Variants in MARCHF5 observed in about 807,000 individuals in gnomAD.
MARCHF5 encodes E3 ubiquitin-protein ligase MARCHF5.
Under a neutral mutation model 36.5 loss-of-function variants are expected in MARCHF5, and 5 were observed. The ratio of observed to expected loss-of-function variants is 0.14; its 90% CI spans 0.07 to 0.29. MARCHF5 has a LOEUF of 0.29. Among genes scored for constraint, MARCHF5 ranks in the 10% least tolerant of loss-of-function variants. The pLI, the probability that MARCHF5 is intolerant of heterozygous loss-of-function variation, is 1.00. For missense variants in MARCHF5, 179 were observed against 336.3 expected, an observed-to-expected ratio of 0.53 and a Z score of 3.66; for synonymous variants, 103 against 109.9, an observed-to-expected ratio of 0.94 and a Z score of 0.39.
chr10:92,291,564 G>C (rs1263156565), intron 1 of MARCHF5, 35 bp downstream of exon 1: 5 of 1,520,538 alleles, frequency 3.3e-6, no homozygotes, highest in Middle Eastern at 1.8e-4. Context: ...GGGAGCCGCC[G>C]ACCCTCGCTC....
chr10:92,314,218 AGAG>A (rs1245222888), intron 2 of MARCHF5, among the ~76,000 whole-genome samples: 14 of 138,104 alleles, frequency 1.0e-4, no homozygotes, highest in South Asian at 2.4e-4. Flanking sequence ...CTTAAATAAA[AGAG>A]AGAATTATAA....
chr10:92,316,459 A>G (rs1232444665), intron 2 of MARCHF5, among the ~76,000 whole-genome samples: 3 of 152,216 alleles, frequency 2.0e-5, no homozygotes, highest in South Asian at 2.1e-4. Flanking sequence ...TACTCAAAGT[A>G]TGATCTGAGG....
At chr10:92,322,669 A>G (rs1285687939) in intron 2 of MARCHF5, among the ~76,000 whole-genome samples, 1 of 148,246 alleles carries the variant, frequency 6.7e-6, no homozygotes, top group Non-Finnish European at 1.5e-5. Context: ...GGCTGGTCTC[A>G]TACTCCTGAG....
At chr10:92,346,061 C>T (rs892742660) in intron 3 of MARCHF5, among the ~76,000 whole-genome samples, 1 of 152,112 alleles carries the variant, frequency 6.6e-6, no homozygotes, top group Non-Finnish European at 1.5e-5. Flanking sequence ...ACCCCAAAAT[C>T]GAAGTCTTAA....
intron 1 of MARCHF5, among the ~76,000 whole-genome samples, chr10:92,300,703 C>T (rs1843002194): frequency 6.6e-6 from 1 of 152,122 alleles, no homozygotes; most frequent in Non-Finnish European, 1.5e-5. Context: ...TGCGCACTTT[C>T]TTCCAAACAT....
intron 2 of MARCHF5, among the ~76,000 whole-genome samples, chr10:92,330,968 A>G (rs1843428834): frequency 6.6e-6 from 1 of 152,174 alleles, no homozygotes; most frequent in African/African-American, 2.4e-5. Flanking sequence ...TTCAGTGGTA[A>G]TGTCAGGTTA....
At chr10:92,329,502 C>T (rs1053270992) in intron 2 of MARCHF5, among the ~76,000 whole-genome samples, 1 of 152,108 alleles carries the variant, frequency 6.6e-6, no homozygotes, top group Non-Finnish European at 1.5e-5. Flanking sequence ...GTATCAGTTA[C>T]TCCATAAAAA....
At chr10:92,319,153 A>G (rs1247208259) in intron 2 of MARCHF5, among the ~76,000 whole-genome samples, 1 of 152,236 alleles carries the variant, frequency 6.6e-6, no homozygotes, top group Non-Finnish European at 1.5e-5. Context: ...TAGTAGTGCA[A>G]TGCATCATTC....
chr10:92,307,616 C>T (rs1487458478), intron 1 of MARCHF5, among the ~76,000 whole-genome samples: 1 of 151,952 alleles, frequency 6.6e-6, no homozygotes, highest in Admixed American at 6.6e-5. Flanking sequence ...TGGGTCATGC[C>T]TGTAATCCCA....
At chr10:92,321,225 C>G (rs566331502) in intron 2 of MARCHF5, among the ~76,000 whole-genome samples, 11 of 152,036 alleles carry the variant, frequency 7.2e-5, no homozygotes, top group Non-Finnish European at 5.9e-5. Flanking sequence ...CATTGAGTAA[C>G]ACGTGAGTGT....
rs773363168 is a variant in MARCHF5, at chr10:92,291,777, G to A, written c.35+248G>A. Among the ~76,000 whole-genome samples the A allele has an allele frequency of 5.0e-4, 76 of 152,186 alleles. 1 individual carries two copies. The highest frequency in any genetic ancestry group is 7.9e-4 in the Non-Finnish European group (54 of 68,028). Reference sequence around the variant, plus strand: ...TCTGGTTTCCTTGGAACCCCGTTTTGACCTGAGAGGGACTCCTGTTAATCC... The same window carrying A: ...TCTGGTTTCCTTGGAACCCCGTTTTAACCTGAGAGGGACTCCTGTTAATCC... On this transcript the variant is annotated intron_variant, in intron 1 of 5. Transcript: ENST00000358935.
At chr10:92,330,741 A>G (rs10748579) in intron 2 of MARCHF5, among the ~76,000 whole-genome samples, 83,468 of 152,082 alleles carry the variant, frequency 0.55, 23,432 homozygotes, top group Admixed American at 0.66. Flanking sequence ...GTTACTACGT[A>G]ACATTAAGTA....
Position 92,291,243 on chromosome 10 carries a change from C to G in MARCHF5, c.-252C>G. On this transcript the variant is annotated 5_prime_UTR_variant, in exon 1 of 6. Transcript: ENST00000358935. ...TGGACCGGAACCTCGGGCCGACGGA[C>G]GGGAACCCGGGCCGCGATCGCCGCC... The G allele has an allele frequency of 1.9e-6, 1 of 538,940 alleles. No homozygotes were observed. Among genetic ancestry groups the G allele is most frequent in the Non-Finnish European group, 3.2e-6 (1 of 309,872 alleles). The allele number at this position is 538,940 out of a possible 1,614,324, so 33.4% of individuals were successfully genotyped here. A position where few individuals can be genotyped will look rare whatever the true frequency, so the allele number is the denominator to read the frequency against.
intron 1 of MARCHF5, among the ~76,000 whole-genome samples, chr10:92,299,748 T>C (rs1842990308): frequency 6.6e-6 from 1 of 152,214 alleles, no homozygotes; most frequent in Admixed American, 6.5e-5. Flanking sequence ...CACAAGGGCC[T>C]TAGTGCATAG....
chr10:92,316,886 A>T (rs183494094), intron 2 of MARCHF5, among the ~76,000 whole-genome samples: 1 of 152,280 alleles, frequency 6.6e-6, no homozygotes, highest in East Asian at 1.9e-4. Flanking sequence ...TTTTAATGAG[A>T]TAATTGAGTG....
chr10:92,301,985 C>T (rs981279626), intron 1 of MARCHF5, among the ~76,000 whole-genome samples: 3 of 152,040 alleles, frequency 2.0e-5, no homozygotes, highest in African/African-American at 4.8e-5. Flanking sequence ...CGCTTGAACC[C>T]GGGAGGCAGA....
chr10:92,335,106 C>T (rs1192697401), intron 2 of MARCHF5, among the ~76,000 whole-genome samples: 1 of 152,030 alleles, frequency 6.6e-6, no homozygotes, highest in African/African-American at 2.4e-5. Flanking sequence ...TTCTCAAGCC[C>T]CTATATATTT....
At chr10:92,323,940 A>G (rs910883013) in intron 2 of MARCHF5, among the ~76,000 whole-genome samples, 5 of 152,246 alleles carry the variant, frequency 3.3e-5, no homozygotes, top group African/African-American at 9.6e-5. Flanking sequence ...GCTGGATTGT[A>G]TGATACAAGT....
At chr10:92,331,064 T>C (rs551349107) in intron 2 of MARCHF5, among the ~76,000 whole-genome samples, 8 of 152,318 alleles carry the variant, frequency 5.3e-5, no homozygotes, top group South Asian at 2.1e-4. Flanking sequence ...AGAACAATTA[T>C]ATTATCATCA....
Sources: allele counts gnomAD v4.1 joint callset (sites outside exome capture counted in the v4.1 genomes callset), GRCh38; gene constraint gnomAD v4.1.1; transcripts MANE v1.5; gene names NCBI Gene and HGNC (gene_info 2026-07-23, HGNC 2026-07-21).